Variants in RIN2 observed in about 807,000 individuals in gnomAD.
RIN2 encodes the protein RAB5 interacting protein 2.
Under a neutral mutation model 78.0 loss-of-function variants are expected in RIN2, and 36 were observed. That is an observed-to-expected ratio of 0.46 (90% CI 0.35 to 0.61). The LOEUF (loss-of-function observed/expected upper bound fraction) is 0.61. RIN2 is among the 20% of genes least tolerant of loss of function. The pLI is 0.00. For synonymous variants in RIN2, 466 were observed against 466.8 expected (o/e 1.00, Z 0.02); for missense variants, 1,087 against 1,159.7 (o/e 0.94, Z 0.91).
chr20:19,992,015 G>T (rs1037103966), intron 10 of RIN2, among the ~76,000 whole-genome samples, 153 bp from the exon 11 acceptor site: 3 of 152,200 alleles, frequency 2.0e-5, no homozygotes, highest in Admixed American at 2.0e-4. Context: ...AGGGTCAGAG[G>T]CTACATAGGA....
chr20:19,778,286 C>T (rs773156144), intron 1 of RIN2, among the ~76,000 whole-genome samples: 2 of 152,318 alleles, frequency 1.3e-5, no homozygotes, highest in East Asian at 1.9e-4. Flanking sequence ...CCCTAAAAAT[C>T]ACTGAATCAT....
At chr20:19,762,314 G>A (rs1166255200) in intron 1 of RIN2, among the ~76,000 whole-genome samples, 5 of 152,174 alleles carry the variant, frequency 3.3e-5, no homozygotes, top group Non-Finnish European at 2.9e-5. Flanking sequence ...AGGAGACAAA[G>A]TGAGGAAGTT....
At chr20:19,924,736 TTTTTTTTTTTTTTTTTTTTTG>T (rs1431326454) in intron 3 of RIN2, among the ~76,000 whole-genome samples, 2 of 4,520 alleles carry the variant, frequency 4.4e-4, no homozygotes, top group African/African-American at 2.5e-3. Context: ...TTTTTTTTTT[TTTTTTTTTTTTTTTTTTTTTG>T]AGACGGAGTT....
At chr20:19,996,120 C>A (rs187582022) in intron 11 of RIN2, among the ~76,000 whole-genome samples, 6 of 152,256 alleles carry the variant, frequency 3.9e-5, no homozygotes, top group African/African-American at 1.2e-4. Flanking sequence ...TCAAGACCAG[C>A]CTGGCCAATA....
intron 2 of RIN2, among the ~76,000 whole-genome samples, chr20:19,856,368 A>T (rs1219142074): frequency 6.6e-6 from 1 of 152,080 alleles, no homozygotes; most frequent in Non-Finnish European, 1.5e-5. Flanking sequence ...AATTTAAAAA[A>T]TAATTTTAAT....
chr20:19,877,807 C>G (rs996076875), intron 2 of RIN2, among the ~76,000 whole-genome samples: 1 of 151,824 alleles, frequency 6.6e-6, no homozygotes, highest in Non-Finnish European at 1.5e-5. Flanking sequence ...TCGCTTGAGC[C>G]CAGGAGTTCA....
At chr20:19,796,785 C>T (rs1438972023) in intron 1 of RIN2, among the ~76,000 whole-genome samples, 1 of 152,172 alleles carries the variant, frequency 6.6e-6, no homozygotes, top group African/African-American at 2.4e-5. Flanking sequence ...AGAATTGAGC[C>T]TTGGGACCAA....
intron 6 of RIN2, among the ~76,000 whole-genome samples, chr20:19,962,922 A>T (rs1165341271): frequency 2.0e-5 from 3 of 151,782 alleles, no homozygotes; most frequent in African/African-American, 7.3e-5. Flanking sequence ...GTGCCGTTGC[A>T]CTCTCCAGCC....
chr20:19,899,132 CA>C (rs1208332438), intron 3 of RIN2, among the ~76,000 whole-genome samples: 1 of 152,142 alleles, frequency 6.6e-6, no homozygotes, highest in Non-Finnish European at 1.5e-5. Flanking sequence ...TCCTTGTTCC[CA>C]AATATCCCCA....
rs1204913234 is a variant in RIN2 at position 19,990,064 on chromosome 20, G to A, written c.1821G>A (p.Val607=). The stretch of plus-strand genomic sequence containing the variant: ...TCTTGAAGCCCCTCAAGGGGCACGT[G>A]GAGGCCATGCTGAAGGACTTTCACA... ...KCILKPLKGH[V]EAMLKDFHMA... is the part of the protein sequence containing the mutation. The change falls in exon 10 of 13, where the codon GTG becomes GTA. Residue 607 remains valine (V), a synonymous_variant. Coordinates refer to ENST00000255006, the MANE Select transcript of RIN2 (RefSeq NM_018993.4). 1.9e-6 allele frequency: 3 copies of A among 1,598,846 alleles called. No homozygotes were observed. In the East Asian group the frequency reaches 6.8e-5, roughly 36 times the overall value.
chr20:19,900,688 C>T (rs1342196953), intron 3 of RIN2, among the ~76,000 whole-genome samples: 15 of 148,852 alleles, frequency 1.0e-4, no homozygotes, highest in Admixed American at 8.0e-4. Flanking sequence ...TGGTGGCTCA[C>T]GCCTGTAATC....
intron 1 of RIN2, among the ~76,000 whole-genome samples, chr20:19,776,967 G>C (rs1457409247): frequency 2.0e-5 from 3 of 152,094 alleles, no homozygotes; most frequent in Non-Finnish European, 4.4e-5. Context: ...TCAGGCCACT[G>C]ATCACTCATA....
chr20:19,853,641 G>A (rs1032127025), intron 2 of RIN2, among the ~76,000 whole-genome samples: 9 of 152,204 alleles, frequency 5.9e-5, no homozygotes, highest in Admixed American at 2.0e-4. Flanking sequence ...CAGTGACGAT[G>A]AGCATTTTTT....
intron 4 of RIN2, among the ~76,000 whole-genome samples, chr20:19,951,132 G>A (rs1040610405): frequency 5.9e-5 from 9 of 152,130 alleles, no homozygotes; most frequent in Admixed American, 4.6e-4. Context: ...GAGGTCAAGC[G>A]ATCCATACAC....
chr20:19,963,389 G>A (rs1185636876), intron 6 of RIN2, among the ~76,000 whole-genome samples: 3 of 152,086 alleles, frequency 2.0e-5, no homozygotes, highest in Non-Finnish European at 4.4e-5. Context: ...TGAGGTGGGC[G>A]GATCGCCTGA....
intron 3 of RIN2, among the ~76,000 whole-genome samples, chr20:19,930,233 A>T (rs1040082500): frequency 3.3e-5 from 5 of 151,936 alleles, no homozygotes; most frequent in Non-Finnish European, 4.4e-5. Context: ...TGCACTAGAG[A>T]TAGGTGGCAT....
chr20:19,996,635 C>T (rs769483722), intron 11 of RIN2, 44 bp from the exon 12 acceptor site: 21 of 1,604,404 alleles, frequency 1.3e-5, no homozygotes, highest in East Asian at 4.5e-5. Context: ...CACCCGTGAG[C>T]GGAGGTTGGC....
At chr20:19,780,221 C>T (rs939897420) in intron 1 of RIN2, among the ~76,000 whole-genome samples, 16 of 152,258 alleles carry the variant, frequency 1.1e-4, no homozygotes, top group Admixed American at 5.2e-4. Flanking sequence ...TTTAAGGCTG[C>T]ATTTGCCTAG....
In RIN2 at chr20:20,000,856, C is replaced by T; in HGVS notation, c.2608C>T (p.His870Tyr). ...LHSRPQPHIF[H>Y]FVYKRIKNDP... ...CAGCCGACCACAGCCCCACATCTTCCACTTTGTCTACAAACGCATCAAGAA... is the reference window on the plus strand; with the variant it reads ...CAGCCGACCACAGCCCCACATCTTCTACTTTGTCTACAAACGCATCAAGAA... Residue 870 changes from histidine (H) to tyrosine (Y), a missense_variant, in exon 13 of 13, where the codon CAC becomes TAC. His to Tyr is a moderately conservative substitution (Grantham distance 83, BLOSUM62 2). Transcript: ENST00000255006. 1 of 1,614,022 alleles carries T rather than the reference C, an allele frequency of 6.2e-7. No individual in the cohort carries two copies. Among genetic ancestry groups the T allele is most frequent in the Non-Finnish European group, 8.5e-7 (1 of 1,179,898 alleles).
Sources: allele counts gnomAD v4.1 joint callset (sites outside exome capture counted in the v4.1 genomes callset), GRCh38; gene constraint gnomAD v4.1.1; transcripts MANE v1.5; gene names NCBI Gene and HGNC (gene_info 2026-07-23, HGNC 2026-07-21).